PRPH2: variants seen among roughly 807,000 people sequenced by gnomAD.
The protein encoded by PRPH2 is peripherin-2.
A neutral mutation model predicts 31.3 loss-of-function variants in PRPH2; 17 were observed. The ratio of observed to expected loss-of-function variants is 0.54; its 90% CI spans 0.37 to 0.81. PRPH2 has a LOEUF of 0.81. Among genes scored for constraint, PRPH2 ranks in the 40% least tolerant of loss-of-function variants. The probability of loss-of-function intolerance (pLI) is 0.00; values close to 1 mark genes in which losing one functional copy is unlikely to be tolerated. For missense variants in PRPH2, 430 were observed against 439.7 expected, an observed-to-expected ratio of 0.98 and a Z score of 0.20; for synonymous variants, 165 against 184.4, an observed-to-expected ratio of 0.89 and a Z score of 0.85.
intron 2 of PRPH2, 87 bp downstream of exon 2, chr6:42,704,278 C>A: frequency 2.0e-6 from 3 of 1,526,078 alleles, no homozygotes; most frequent in Non-Finnish European, 2.7e-6. Context: ...GGGAGGCATG[C>A]TCTCCAAGCC....
intron 1 of PRPH2, among the ~76,000 whole-genome samples, chr6:42,715,670 C>CA (rs1410118312): frequency 6.6e-6 from 1 of 152,018 alleles, no homozygotes; most frequent in African/African-American, 2.4e-5. Flanking sequence ...GACTCCATTT[C>CA]AAAAAACAAA....
Position 42,704,678 on chromosome 6 carries a change from A to T in PRPH2, c.582-67T>A, listed in dbSNP as rs3818086. 851,815 of 1,607,666 alleles carry T rather than the reference A, an allele frequency of 0.53. 227,368 individuals carry two copies. The highest frequency in any genetic ancestry group is 0.67 in the African/African-American group (49,779 of 74,804). On this transcript the variant is annotated intron_variant, in intron 1 of 2. Transcript: ENST00000230381. Reference sequence around the variant, plus strand: ...TCTCAACAGGGGCCACTTCCTCCCAACCCCTGCCTCTGGAAACCTAGAATA... The same window carrying T: ...TCTCAACAGGGGCCACTTCCTCCCATCCCCTGCCTCTGGAAACCTAGAATA...
chr6:42,703,033 G>A (rs1393573168), intron 2 of PRPH2, among the ~76,000 whole-genome samples: 1 of 151,926 alleles, frequency 6.6e-6, no homozygotes, highest in African/African-American at 2.4e-5. Context: ...TACGGAGTAT[G>A]ACTCAGGGCA....
At chr6:42,717,297 G>A (rs1368475920) in intron 1 of PRPH2, among the ~76,000 whole-genome samples, 1 of 151,804 alleles carries the variant, frequency 6.6e-6, no homozygotes, top group Non-Finnish European at 1.5e-5. Flanking sequence ...GCGGGCACAT[G>A]TAATACCAGC....
At chr6:42,713,866 G>A (rs1761723907) in intron 1 of PRPH2, among the ~76,000 whole-genome samples, 1 of 130,076 alleles carries the variant, frequency 7.7e-6, no homozygotes, top group Admixed American at 9.6e-5. Context: ...GTTGCAGTGA[G>A]CCAAGATCAC....
chr6:42,705,958 C>CAAA (rs36068676), intron 1 of PRPH2, among the ~76,000 whole-genome samples: 3 of 134,382 alleles, frequency 2.2e-5, no homozygotes, highest in African/African-American at 5.6e-5. Flanking sequence ...GACCCCGTCT[C>CAAA]AAAAAAAAAA....
chr6:42,704,988 A>C (rs1800127769), intron 1 of PRPH2, among the ~76,000 whole-genome samples: 1 of 152,248 alleles, frequency 6.6e-6, no homozygotes, highest in Non-Finnish European at 1.5e-5. Context: ...GGTGATGCCC[A>C]CAGCTCCCTC....
chr6:42,717,977 C>G (rs1174373911), intron 1 of PRPH2, among the ~76,000 whole-genome samples: 2 of 151,960 alleles, frequency 1.3e-5, no homozygotes, highest in Admixed American at 6.6e-5. Context: ...ACCAGCTTGG[C>G]CAACGTGGTG....
Position 42,704,526 on chromosome 6 carries a change from T to G in PRPH2, c.667A>C (p.Ile223Leu). The G allele has an allele frequency of 6.2e-7, 1 of 1,614,190 alleles. No homozygotes were observed. The highest frequency in any genetic ancestry group is 8.5e-7 in the Non-Finnish European group (1 of 1,180,034). The change falls in exon 2 of 3, where the codon ATC becomes CTC. Residue 223 changes from isoleucine (I) to leucine (L), a missense_variant. Physicochemically the swap from Ile to Leu is conservative, Grantham distance 5 (BLOSUM62 2). Transcript: ENST00000230381. ...GAGTTGTTGGTGATCTGATACTGGA[T>G]GCAGGGCCGTGGCGAGCTAGGATTG... Reference protein sequence around the residue: ...CCNPSSPRPCIQYQITNNSAH... With the variant: ...CCNPSSPRPCLQYQITNNSAH...
At position 42,713,634 on chromosome 6, in the gene PRPH2, G is replaced by A. The variant is rs572614616; in HGVS notation, c.581+8120C>T. Reference sequence around the variant, plus strand: ...GAGGAAATGGAGAAGAAGAAGACAGGGAAAGGCCGGGAGCGGTGGCTCACA... The same window carrying A: ...GAGGAAATGGAGAAGAAGAAGACAGAGAAAGGCCGGGAGCGGTGGCTCACA... On this transcript the variant is annotated intron_variant, in intron 1 of 2. Transcript: ENST00000230381. Among the ~76,000 whole-genome samples the A allele has an allele frequency of 2.6e-5, 4 of 152,052 alleles. No homozygotes were observed. The South Asian group carries it at 6.2e-4, about 24-fold the overall frequency.
chr6:42,697,533 G>A lies in PRPH2; in HGVS notation c.*762C>T, dbSNP rs1758213. On this transcript the variant is annotated 3_prime_UTR_variant, in exon 3 of 3. Coordinates refer to ENST00000230381, the MANE Select transcript of PRPH2 (RefSeq NM_000322.5). ...CAGGAGATCACCTGGCACTTTAGGGGTGGTGTGGTGCTGGGACACGCCAAC... is the reference window on the plus strand; with the variant it reads ...CAGGAGATCACCTGGCACTTTAGGGATGGTGTGGTGCTGGGACACGCCAAC... 0.77 allele frequency: 117,408 copies of A among 152,068 alleles called. 45,470 individuals carry two copies. The highest frequency in any genetic ancestry group is 0.86 in the East Asian group (4,458 of 5,162). 9.4% of individuals were successfully genotyped at this position (152,068 alleles called of 1,614,324 possible).
At chr6:42,716,962 CTTTTTTTTTTTTT>C (rs1161769235) in intron 1 of PRPH2, among the ~76,000 whole-genome samples, 2 of 45,188 alleles carry the variant, frequency 4.4e-5, no homozygotes, top group African/African-American at 1.9e-4. Flanking sequence ...TCTTTCTTTT[CTTTTTTTTTTTTT>C]TTTTTTTTTT....
chr6:42,716,220 T>C (rs1411461371), intron 1 of PRPH2, among the ~76,000 whole-genome samples: 1 of 151,774 alleles, frequency 6.6e-6, no homozygotes, highest in Non-Finnish European at 1.5e-5. Flanking sequence ...CACCCGAACC[T>C]CTTTGTTGGC....
At chr6:42,711,444 AG>A (rs551819984) in intron 1 of PRPH2, among the ~76,000 whole-genome samples, 85 of 152,250 alleles carry the variant, frequency 5.6e-4, no homozygotes, top group African/African-American at 2.0e-3. Flanking sequence ...CCCCAGTCTG[AG>A]GGGGGAATGC....
intron 1 of PRPH2, among the ~76,000 whole-genome samples, chr6:42,708,320 C>T (rs1348678076): frequency 6.6e-6 from 1 of 152,222 alleles, no homozygotes; most frequent in Non-Finnish European, 1.5e-5. Context: ...GCACTGCCTG[C>T]CCACCACTCA....
rs434102 is a variant in PRPH2 at position 42,698,323 on chromosome 6, T to C, written c.1013A>G (p.Asp338Gly). The C allele has an allele frequency of 0.79, 1,271,636 of 1,613,846 alleles. 502,174 individuals carry two copies. Among genetic ancestry groups the C allele is most frequent in the East Asian group, 0.85 (38,108 of 44,842 alleles). Residue 338 changes from aspartate to glycine, a missense_variant, in exon 3 of 3, where the codon GAC becomes GGC. Physicochemically the swap from Asp to Gly is moderately conservative, Grantham distance 94 (BLOSUM62 -1). Coordinates refer to ENST00000230381, the MANE Select transcript of PRPH2 (RefSeq NM_000322.5). ...KGNQVEAEGA[D>G]AGQAPEAG The stretch of plus-strand genomic sequence containing the variant: ...GCCAGCCTCTGGGGCCTGGCCTGCG[T>C]CTGCGCCCTCGGCTTCCACCTGGTT...
At position 42,722,562 on chromosome 6, in the gene PRPH2, GT is replaced by G. The variant is rs1029940449; in HGVS notation, c.-229del. ...ACAGCTTGAGCAGGGGATAGTCCTG[GT>G]CCTGGGCGTTGTTTCTTCAGCGCCC... On this transcript the variant is annotated 5_prime_UTR_variant, in exon 1 of 3. Coordinates refer to ENST00000230381, the MANE Select transcript of PRPH2 (RefSeq NM_000322.5). The surrounding 1 kb of genome is among the most constrained non-coding windows in gnomAD (Gnocchi z 4.4). 1.4e-6 allele frequency: 2 copies of G among 1,415,224 alleles called. No homozygotes were observed. Among genetic ancestry groups the G allele is most frequent in the Admixed American group, 2.9e-5 (1 of 34,652 alleles). 87.7% of individuals were successfully genotyped at this position (1,415,224 alleles called of 1,614,324 possible).
chr6:42,704,642 C>T lies in PRPH2; in HGVS notation c.582-31G>A, dbSNP rs199939296. On this transcript the variant is annotated intron_variant, in intron 1 of 2. Transcript: ENST00000230381. ...AGGGAAACAGACAGCTGGAGATGGG[C>T]TTCCCGGGCTTCTCAACAGGGGCCA... The T allele has an allele frequency of 9.9e-6, 16 of 1,614,094 alleles. No homozygotes were observed. The East Asian group carries it at 2.5e-4, about 25-fold the overall frequency.
At chr6:42,699,044 CTTCTTTTTTTTT>C (rs141737689) in intron 2 of PRPH2, among the ~76,000 whole-genome samples, 35,440 of 144,634 alleles carry the variant, frequency 0.25, 4,626 homozygotes, top group East Asian at 0.45. Flanking sequence ...ATGTGTGGTA[CTTCTTTTTTTTT>C]TTTTTTTTTT....
Sources: allele counts gnomAD v4.1 joint callset (sites outside exome capture counted in the v4.1 genomes callset), GRCh38; gene constraint gnomAD v4.1.1; non-coding constraint Gnocchi (gnomAD v3.1); transcripts MANE v1.5; gene names NCBI Gene and HGNC (gene_info 2026-07-23, HGNC 2026-07-21).